Variants in DIAPH1 observed in about 807,000 individuals in gnomAD.
DIAPH1 encodes the protein protein diaphanous homolog 1.
A neutral mutation model predicts 140.7 loss-of-function variants in DIAPH1; 46 were observed. The ratio of observed to expected loss-of-function variants is 0.33; its 90% CI spans 0.26 to 0.42. The LOEUF (loss-of-function observed/expected upper bound fraction) is 0.42, where lower values mean the gene tolerates loss of function less well. Among genes scored for constraint, DIAPH1 ranks in the 10% least tolerant of loss-of-function variants. The probability of loss-of-function intolerance (pLI) is 1.00; values close to 1 mark genes in which losing one functional copy is unlikely to be tolerated. For missense variants in DIAPH1, 1,310 were observed against 1,558.7 expected, an observed-to-expected ratio of 0.84 and a Z score of 2.69; for synonymous variants, 565 against 551.6, an observed-to-expected ratio of 1.02 and a Z score of -0.34.
intron 18 of DIAPH1, among the ~76,000 whole-genome samples, chr5:141,555,337 C>T (rs927065907): frequency 6.6e-6 from 1 of 152,112 alleles, no homozygotes; most frequent in Non-Finnish European, 1.5e-5. Flanking sequence ...ATTTTCATAT[C>T]CTTAGACAGG....
At position 141,576,796 on chromosome 5, in the gene DIAPH1, G is replaced by C. The variant is rs2099896024; in HGVS notation, c.1356C>G (p.Phe452Leu). 2 of 1,613,852 alleles carry C rather than the reference G, an allele frequency of 1.2e-6. No homozygotes were observed. Among genetic ancestry groups the C allele is most frequent in the Admixed American group, 1.7e-5 (1 of 59,990 alleles). Residue 452 changes from phenylalanine (F) to leucine (L), a missense_variant, in exon 13 of 28, where the codon TTC (phenylalanine) becomes TTG (leucine). This residue lies in a region of DIAPH1 where 589 missense variants were observed against 549.3 expected (regional missense o/e 1.07). Coordinates refer to ENST00000389054, the MANE Select transcript of DIAPH1 (RefSeq NM_005219.5). Reference protein sequence around the residue: ...VLHKNGADPDFKCRHLQIEIE... With the variant: ...VLHKNGADPDLKCRHLQIEIE... ...TCTCAATCTGGAGGTGCCGGCACTT[G>C]AAGTCAGGATCAGCCCCGTTCTTGT... is the stretch of plus-strand genomic sequence containing the variant.
chr5:141,608,893 G>A (rs1467001842), intron 1 of DIAPH1, among the ~76,000 whole-genome samples: 1 of 152,126 alleles, frequency 6.6e-6, no homozygotes, highest in Non-Finnish European at 1.5e-5. Flanking sequence ...AGACAGTCTA[G>A]TAACAGCTTC....
chr5:141,580,962 G>A lies in DIAPH1; in HGVS notation c.685-79C>T, dbSNP rs1473784918. 6 of 1,566,398 alleles carry A rather than the reference G, an allele frequency of 3.8e-6. No individual in the cohort carries two copies. In the East Asian group the frequency reaches 1.1e-4, roughly 29 times the overall value. On this transcript the variant is annotated intron_variant, in intron 7 of 27. Coordinates refer to ENST00000389054, the MANE Select transcript of DIAPH1 (RefSeq NM_005219.5). ...GGGGACAAGTTTACGGGTTGTTATGGGTTGAATGGTGTCCTCTTAAATTCC... is the reference window on the plus strand; with the variant it reads ...GGGGACAAGTTTACGGGTTGTTATGAGTTGAATGGTGTCCTCTTAAATTCC...
At chr5:141,532,571 T>C (rs1193088275) in intron 19 of DIAPH1, among the ~76,000 whole-genome samples, 1 of 152,186 alleles carries the variant, frequency 6.6e-6, no homozygotes, top group African/African-American at 2.4e-5. Flanking sequence ...TTTAGATCCC[T>C]CCCTTCCTAG....
chr5:141,595,406 G>A (rs1046044256), intron 1 of DIAPH1, among the ~76,000 whole-genome samples: 3 of 152,282 alleles, frequency 2.0e-5, no homozygotes, highest in East Asian at 1.9e-4. Context: ...GAGGCCATGC[G>A]ATATGGTTTG....
chr5:141,525,178 A>G (rs2099887131), intron 26 of DIAPH1, among the ~76,000 whole-genome samples: 1 of 152,172 alleles, frequency 6.6e-6, no homozygotes, highest in Non-Finnish European at 1.5e-5. Flanking sequence ...GCTTTACAGA[A>G]AAGTATAAAA....
At chr5:141,618,570 A>C in intron 1 of DIAPH1, 3 of 437,780 alleles carry the variant, frequency 6.9e-6, no homozygotes, top group Non-Finnish European at 1.3e-5. Context: ...GGGCTGGGGA[A>C]CGAGGGAAGC....
intron 27 of DIAPH1, chr5:141,518,878 T>C (rs2099886104): frequency 4.8e-6 from 7 of 1,472,626 alleles, no homozygotes; most frequent in Non-Finnish European, 6.5e-6. Context: ...CCAGAGCTAC[T>C]GTTTTCATCC....
intron 19 of DIAPH1, among the ~76,000 whole-genome samples, chr5:141,533,181 C>G (rs148274847): frequency 6.6e-6 from 1 of 152,126 alleles, no homozygotes; most frequent in African/African-American, 2.4e-5. Flanking sequence ...GTGGGTTTTA[C>G]GGAAAATACC....
In DIAPH1 at chr5:141,546,275, G is replaced by A. The variant is rs1175620685; in HGVS notation, c.2483-11842C>T. 5.3e-5 allele frequency among the ~76,000 whole-genome samples: 8 copies of A among 152,048 alleles called. No individual in the cohort carries two copies. In the South Asian group the frequency reaches 8.3e-4, roughly 16 times the overall value. On this transcript the variant is annotated intron_variant, in intron 18 of 27. Coordinates refer to ENST00000389054, the MANE Select transcript of DIAPH1 (RefSeq NM_005219.5). ...CGCATGCCTGTAATCCCAGCTACTC[G>A]GGAGGCTGAGGCAGGATAACTGCTT...
chr5:141,570,643 G>A (rs1313004927), intron 18 of DIAPH1, among the ~76,000 whole-genome samples: 1 of 152,108 alleles, frequency 6.6e-6, no homozygotes, highest in African/African-American at 2.4e-5. Flanking sequence ...TAATTGACTA[G>A]GGGGAGGTGG....
chr5:141,574,155 G>A lies in DIAPH1; in HGVS notation c.1695C>T (p.Leu565=). 6.2e-7 allele frequency: 1 copy of A among 1,614,120 alleles called. No homozygotes were observed. Among genetic ancestry groups the A allele is most frequent in the Non-Finnish European group, 8.5e-7 (1 of 1,180,024 alleles). Residue 565 remains leucine (L), a synonymous_variant, in exon 16 of 28, where the codon CTC becomes CTT. Coordinates refer to ENST00000389054, the MANE Select transcript of DIAPH1 (RefSeq NM_005219.5). The part of the protein sequence containing the change: ...LEDAKKEMAS[L]SAAAITVPPS... ...GAGGTACAGTAATAGCTGCCGCAGA[G>A]AGGGAAGCCATTTCTTTCTTGGCAT...
intron 1 of DIAPH1, among the ~76,000 whole-genome samples, chr5:141,609,179 A>T (rs944036062): frequency 6.6e-6 from 1 of 151,940 alleles, no homozygotes; most frequent in Non-Finnish European, 1.5e-5. Context: ...AAAAAAAAAA[A>T]AAAAAAAACA....
intron 3 of DIAPH1, among the ~76,000 whole-genome samples, chr5:141,585,143 G>A (rs1240018920): frequency 6.6e-6 from 1 of 152,116 alleles, no homozygotes; most frequent in Non-Finnish European, 1.5e-5. Context: ...TTTTAGTAGA[G>A]ACGGGGTTTC....
chr5:141,616,879 AAAC>A (rs1267037270), intron 1 of DIAPH1, among the ~76,000 whole-genome samples: 1 of 152,254 alleles, frequency 6.6e-6, no homozygotes, highest in African/African-American at 2.4e-5. Flanking sequence ...CAAATCCATT[AAAC>A]ATATAGAAGA....
intron 3 of DIAPH1, 78 bp from the exon 4 acceptor site, chr5:141,584,303 G>T: frequency 1.3e-6 from 1 of 781,520 alleles, no homozygotes. Flanking sequence ...ATATTAGTAT[G>T]CTTAGTGAAG....
chr5:141,617,142 T>C (rs1291256620), intron 1 of DIAPH1, among the ~76,000 whole-genome samples: 1 of 150,034 alleles, frequency 6.7e-6, no homozygotes. Flanking sequence ...AACAAAAAGA[T>C]ACAGAAATAG....
intron 3 of DIAPH1, among the ~76,000 whole-genome samples, chr5:141,586,091 T>C (rs1450249134): frequency 2.0e-5 from 3 of 152,214 alleles, no homozygotes; most frequent in African/African-American, 7.2e-5. Flanking sequence ...AAGCCTCTCT[T>C]CAATTTGCCA....
chr5:141,588,105 A>G (rs1562334320), intron 2 of DIAPH1, 119 bp downstream of exon 2: 48 of 830,148 alleles, frequency 5.8e-5, no homozygotes, highest in Non-Finnish European at 1.0e-5. Context: ...GCCTTGAGAT[A>G]CTGAGTAGAA....
Sources: gnomAD v4.1 joint callset for allele counts (sites outside exome capture counted in the v4.1 genomes callset) on GRCh38, gnomAD v4.1.1 for gene constraint, gnomAD v4.1.1 regional missense constraint, MANE v1.5 for transcripts, NCBI Gene and HGNC (gene_info 2026-07-23, HGNC 2026-07-21) for gene names.